GRIK4: variants seen among roughly 807,000 people sequenced by gnomAD.
GRIK4 encodes glutamate receptor ionotropic, kainate 4.
A neutral mutation model predicts 104.9 loss-of-function variants in GRIK4; 40 were observed. The ratio of observed to expected loss-of-function variants is 0.38; its 90% CI spans 0.30 to 0.50. GRIK4 has a LOEUF of 0.50. GRIK4 is among the 20% of genes least tolerant of loss of function. The probability of loss-of-function intolerance (pLI) is 0.93; values close to 1 mark genes in which losing one functional copy is unlikely to be tolerated. For synonymous variants in GRIK4, 485 were observed against 524.9 expected, an observed-to-expected ratio of 0.92 and a Z score of 1.04; for missense variants, 1,047 against 1,308.1, an observed-to-expected ratio of 0.80 and a Z score of 3.08.
At chr11:120,602,151 C>T (rs992023870) in intron 1 of GRIK4, among the ~76,000 whole-genome samples, 5 of 152,286 alleles carry the variant, frequency 3.3e-5, no homozygotes, top group South Asian at 2.1e-4. Flanking sequence ...GTTCAGGAAG[C>T]CCCTGGGAGC....
intron 3 of GRIK4, among the ~76,000 whole-genome samples, chr11:120,706,039 C>T (rs940747065): frequency 2.0e-5 from 3 of 152,194 alleles, no homozygotes; most frequent in African/African-American, 7.2e-5. Context: ...TGCTTTCCAG[C>T]ATCGGGCCTG....
intron 19 of GRIK4, among the ~76,000 whole-genome samples, chr11:120,975,154 G>A (rs1305630189): frequency 6.6e-6 from 1 of 152,218 alleles, no homozygotes; most frequent in African/African-American, 2.4e-5. Flanking sequence ...GAGGCCAGTG[G>A]CATTGACTCA....
At chr11:120,808,779 A>G (rs577909774) in intron 4 of GRIK4, among the ~76,000 whole-genome samples, 1 of 152,302 alleles carries the variant, frequency 6.6e-6, no homozygotes, top group South Asian at 2.1e-4. Context: ...TACTCTGTGC[A>G]GTATAAACAG....
At chr11:120,945,560 C>G (rs1409568517) in intron 14 of GRIK4, among the ~76,000 whole-genome samples, 2 of 152,188 alleles carry the variant, frequency 1.3e-5, no homozygotes, top group Non-Finnish European at 2.9e-5. Context: ...CTTTGTGCTC[C>G]TGATTGGACA....
At chr11:120,517,329 G>A (rs1426984256) in intron 1 of GRIK4, among the ~76,000 whole-genome samples, 1 of 149,386 alleles carries the variant, frequency 6.7e-6, no homozygotes, top group Non-Finnish European at 1.5e-5. Flanking sequence ...GGGGCTGTGT[G>A]GCCTTAGGCT....
intron 9 of GRIK4, among the ~76,000 whole-genome samples, chr11:120,867,263 C>T (rs1392809912): frequency 1.3e-5 from 2 of 152,164 alleles, no homozygotes; most frequent in Non-Finnish European, 2.9e-5. Context: ...GGTGCCTCTT[C>T]CTGTCTCTTT....
At chr11:120,787,351 A>G (rs896415983) in intron 3 of GRIK4, among the ~76,000 whole-genome samples, 2 of 151,988 alleles carry the variant, frequency 1.3e-5, no homozygotes, top group African/African-American at 4.8e-5. Flanking sequence ...ACAGAAACAA[A>G]ACATAGTGTT....
intron 8 of GRIK4, among the ~76,000 whole-genome samples, chr11:120,846,426 T>C (rs1201809472): frequency 6.6e-5 from 10 of 152,178 alleles, no homozygotes; most frequent in Non-Finnish European, 1.2e-4. Flanking sequence ...AGAGAGCATG[T>C]AGTTCTTCTT....
chr11:120,822,579 G>C (rs1317713327), intron 6 of GRIK4, among the ~76,000 whole-genome samples: 1 of 152,190 alleles, frequency 6.6e-6, no homozygotes, highest in Non-Finnish European at 1.5e-5. Flanking sequence ...AATAAACTTA[G>C]AAATCCAGTT....
At chr11:120,652,099 G>T (rs189816608) in intron 1 of GRIK4, among the ~76,000 whole-genome samples, 103 of 152,284 alleles carry the variant, frequency 6.8e-4, no homozygotes, top group Non-Finnish European at 9.4e-4. Flanking sequence ...CACGTGGGGA[G>T]GATGGCAGTT....
At chr11:120,727,500 A>C (rs763976335) in intron 3 of GRIK4, among the ~76,000 whole-genome samples, 14 of 152,214 alleles carry the variant, frequency 9.2e-5, no homozygotes, top group African/African-American at 3.4e-4. Context: ...CTTATTTTAC[A>C]TAGAAATGAA....
At chr11:120,560,340 C>T (rs1231399853) in intron 1 of GRIK4, among the ~76,000 whole-genome samples, 1 of 152,102 alleles carries the variant, frequency 6.6e-6, no homozygotes, top group African/African-American at 2.4e-5. Flanking sequence ...GAGTGAGCCA[C>T]TGTGCCTGGC....
chr11:120,765,520 C>G (rs1565339535), intron 3 of GRIK4, among the ~76,000 whole-genome samples: 1 of 152,090 alleles, frequency 6.6e-6, no homozygotes, highest in Non-Finnish European at 1.5e-5. Flanking sequence ...AGTTGTGACC[C>G]TTTGGAGGAG....
At chr11:120,976,141 G>A (rs1465889826) in intron 19 of GRIK4, among the ~76,000 whole-genome samples, 3 of 152,100 alleles carry the variant, frequency 2.0e-5, no homozygotes. Flanking sequence ...GGGGACAATG[G>A]GCCTTCTCTA....
intron 16 of GRIK4, among the ~76,000 whole-genome samples, chr11:120,960,604 C>T (rs1444727420): frequency 6.6e-6 from 1 of 152,236 alleles, no homozygotes; most frequent in African/African-American, 2.4e-5. Context: ...TAGCTCATTT[C>T]TCACAGTCTC....
chr11:120,685,057 A>G (rs1950255120), intron 3 of GRIK4, among the ~76,000 whole-genome samples: 1 of 152,206 alleles, frequency 6.6e-6, no homozygotes, highest in South Asian at 2.1e-4. Flanking sequence ...CCTCTGAGTC[A>G]GTACTTCTGT....
chr11:120,773,346 G>A (rs1364719182), intron 3 of GRIK4, among the ~76,000 whole-genome samples: 1 of 152,200 alleles, frequency 6.6e-6, no homozygotes. Flanking sequence ...CGACAGTGTG[G>A]TTGACTAGAT....
At chr11:120,587,629 G>A (rs1182809691) in intron 1 of GRIK4, among the ~76,000 whole-genome samples, 1 of 152,212 alleles carries the variant, frequency 6.6e-6, no homozygotes, top group Non-Finnish European at 1.5e-5. Context: ...TGTGAGGGGA[G>A]CAAGTCAGGA....
chr11:120,835,173 A>T (rs1449111691), intron 7 of GRIK4, among the ~76,000 whole-genome samples: 1 of 152,198 alleles, frequency 6.6e-6, no homozygotes, highest in East Asian at 1.9e-4. Flanking sequence ...TCCCATTGGA[A>T]CAACCATGAT....
Sources: gnomAD v4.1 joint callset for allele counts (sites outside exome capture counted in the v4.1 genomes callset) on GRCh38, gnomAD v4.1.1 for gene constraint, MANE v1.5 for transcripts, NCBI Gene and HGNC (gene_info 2026-07-23, HGNC 2026-07-21) for gene names.